RBFOX1: variants seen among roughly 807,000 people sequenced by gnomAD.
The protein encoded by RBFOX1 is RNA binding fox-1 homolog 1.
A neutral mutation model predicts 57.7 loss-of-function variants in RBFOX1; 8 were observed. The observed-to-expected ratio is 0.14, with a 90% CI of 0.08 to 0.25. RBFOX1 has a LOEUF of 0.25. RBFOX1 is among the 10% of genes least tolerant of loss of function. The probability of loss-of-function intolerance (pLI) is 1.00; values close to 1 mark genes in which losing one functional copy is unlikely to be tolerated. For synonymous variants in RBFOX1, 326 were observed against 222.4 expected (o/e 1.47, Z -4.15); for missense variants, 611 against 548.5 (o/e 1.11, Z -1.14).
chr16:6,911,336 C>T (rs1171986658), intron 3 of RBFOX1, among the ~76,000 whole-genome samples: 1 of 152,000 alleles, frequency 6.6e-6, no homozygotes, highest in Non-Finnish European at 1.5e-5. Flanking sequence ...TTGTGGAGGC[C>T]AGAAGTCCAA....
intron 1 of RBFOX1, among the ~76,000 whole-genome samples, chr16:5,433,723 C>T (rs1026439213): frequency 2.0e-5 from 3 of 152,194 alleles, no homozygotes; most frequent in Non-Finnish European, 4.4e-5. Context: ...CTTTCCCTCT[C>T]CTTTCCTCCC....
intron 3 of RBFOX1, among the ~76,000 whole-genome samples, chr16:7,026,241 A>C (rs2040889266): frequency 6.6e-6 from 1 of 152,102 alleles, no homozygotes; most frequent in Non-Finnish European, 1.5e-5. Flanking sequence ...AACACCCATG[A>C]AGCTGCTGTT....
chr16:6,083,129 G>C (rs748542980), intron 1 of RBFOX1, among the ~76,000 whole-genome samples: 2 of 152,132 alleles, frequency 1.3e-5, no homozygotes, highest in African/African-American at 4.8e-5. Flanking sequence ...AGCGTCCTGA[G>C]TAGCTGGGAC....
chr16:6,487,916 T>G (rs1490947890), intron 2 of RBFOX1, among the ~76,000 whole-genome samples: 1 of 151,836 alleles, frequency 6.6e-6, no homozygotes, highest in Non-Finnish European at 1.5e-5. Flanking sequence ...ACCAGCCGCT[T>G]TAATGATCTG....
rs893815192 is a variant in RBFOX1 at position 5,898,673 on chromosome 16, C to G, written c.351+31338C>G. Among the ~76,000 whole-genome samples the G allele has an allele frequency of 7.9e-5, 12 of 151,904 alleles. No homozygotes were observed. The East Asian group carries it at 1.9e-3, about 24-fold the overall frequency. On this transcript the variant is annotated intron_variant, in intron 4 of 19. Coordinates refer to the RBFOX1 transcript ENST00000641259. ...ATTACCCAGGTAGTGAGTGGCAAGT[C>G]CAGAATTTGATCTCAAGCCATTTGA...
chr16:6,554,131 A>T (rs1205369138), intron 2 of RBFOX1, among the ~76,000 whole-genome samples: 1 of 152,252 alleles, frequency 6.6e-6, no homozygotes. Flanking sequence ...AGAAGTAATT[A>T]GAAATTGGCA....
chr16:7,317,048 T>C (rs1341690496), intron 4 of RBFOX1, among the ~76,000 whole-genome samples: 3 of 151,742 alleles, frequency 2.0e-5, no homozygotes, highest in African/African-American at 4.8e-5. Context: ...TTAGCCTTTT[T>C]ACAAAGGCCA....
At chr16:5,345,486 C>T (rs1386423310) in intron 1 of RBFOX1, among the ~76,000 whole-genome samples, 1 of 152,224 alleles carries the variant, frequency 6.6e-6, no homozygotes, top group African/African-American at 2.4e-5. Context: ...AAATGAACTG[C>T]AGGCAGATCT....
chr16:5,745,172 A>G (rs1313706114), intron 3 of RBFOX1, among the ~76,000 whole-genome samples: 8 of 152,026 alleles, frequency 5.3e-5, no homozygotes, highest in African/African-American at 1.2e-4. Context: ...ATTCCCACCT[A>G]TAAGTGAGAA....
At chr16:6,619,254 A>T in intron 2 of RBFOX1, among the ~76,000 whole-genome samples, 1 of 152,118 alleles carries the variant, frequency 6.6e-6, no homozygotes, top group East Asian at 1.9e-4. Context: ...TTGTTGCCAA[A>T]CAACTCTAAT....
At chr16:6,877,747 T>C (rs947516540) in intron 3 of RBFOX1, among the ~76,000 whole-genome samples, 1 of 152,170 alleles carries the variant, frequency 6.6e-6, no homozygotes, top group Non-Finnish European at 1.5e-5. Context: ...GAATTATTTC[T>C]GTAGGACTTT....
intron 3 of RBFOX1, among the ~76,000 whole-genome samples, chr16:6,664,893 C>G (rs528455679): frequency 6.6e-6 from 1 of 152,304 alleles, no homozygotes; most frequent in African/African-American, 2.4e-5. Flanking sequence ...TTGGAAAAGT[C>G]ACATTCCTGT....
chr16:7,514,076 G>C (rs2075813016), intron 4 of RBFOX1, among the ~76,000 whole-genome samples: 1 of 151,774 alleles, frequency 6.6e-6, no homozygotes, highest in South Asian at 2.1e-4. Flanking sequence ...CATATCTAAT[G>C]ACATTCTGCC....
At chr16:5,379,796 T>A (rs1481466839) in intron 1 of RBFOX1, among the ~76,000 whole-genome samples, 1 of 152,218 alleles carries the variant, frequency 6.6e-6, no homozygotes, top group Non-Finnish European at 1.5e-5. Context: ...TTTGATCTGC[T>A]TTATAGATTA....
chr16:7,449,091 GGC>G (rs1304372380), intron 4 of RBFOX1, among the ~76,000 whole-genome samples: 1 of 151,750 alleles, frequency 6.6e-6, no homozygotes, highest in African/African-American at 2.4e-5. Context: ...CAGCATGCCC[GGC>G]TAACTTTGTA....
intron 4 of RBFOX1, among the ~76,000 whole-genome samples, chr16:7,385,949 T>C (rs2097870101): frequency 7.0e-6 from 1 of 142,166 alleles, no homozygotes; most frequent in South Asian, 2.3e-4. Flanking sequence ...TTTATTTATT[T>C]ATTTATTTAT....
At chr16:6,018,137 A>G (rs189377602), upstream of RBFOX1, among the ~76,000 whole-genome samples, 12 of 151,358 alleles carry the variant, frequency 7.9e-5, no homozygotes, top group African/African-American at 2.9e-4. Flanking sequence ...AACCCCCTGG[A>G]ATATTTGTGG....
At chr16:7,481,523 C>G (rs1370804767) in intron 4 of RBFOX1, among the ~76,000 whole-genome samples, 1 of 152,206 alleles carries the variant, frequency 6.6e-6, no homozygotes, top group South Asian at 2.1e-4. Flanking sequence ...TTTGATCTTA[C>G]TTGCTGCTAG....
intron 3 of RBFOX1, among the ~76,000 whole-genome samples, chr16:6,956,288 G>C (rs901317695): frequency 2.0e-5 from 3 of 152,162 alleles, no homozygotes; most frequent in East Asian, 1.9e-4. Context: ...AGAGTTTTTA[G>C]AGAGTCTTGC....
Sources: allele counts gnomAD v4.1 joint callset (sites outside exome capture counted in the v4.1 genomes callset), GRCh38; gene constraint gnomAD v4.1.1; transcripts MANE v1.5; gene names NCBI Gene and HGNC (gene_info 2026-07-23, HGNC 2026-07-21).